The following MOCS1 variants were observed in gnomAD, a reference collection of about 807,000 sequenced individuals.
MOCS1 encodes molybdenum cofactor synthesis 1, also known as molybdenum cofactor biosynthesis protein 1.
A neutral mutation model predicts 57.6 loss-of-function variants in MOCS1; 39 were observed. The observed-to-expected ratio is 0.68, with a 90% confidence interval of 0.52 to 0.88. MOCS1 has a LOEUF of 0.88. Among genes scored for constraint, MOCS1 ranks in the 40% least tolerant of loss-of-function variants. The probability of loss-of-function intolerance (pLI) is 0.00; values close to 1 mark genes in which losing one functional copy is unlikely to be tolerated. For missense variants in MOCS1, 795 were observed against 831.1 expected, an observed-to-expected ratio of 0.96 and a Z score of 0.53; for synonymous variants, 334 against 335.7, an observed-to-expected ratio of 1.00 and a Z score of 0.05.
chr6:39,906,482 A>G lies in MOCS1; in HGVS notation c.1786T>C (p.Ser596Pro). The change falls in exon 11 of 11, where the codon TCT (serine) becomes CCT (proline). Residue 596 changes from serine (S) to proline (P), a missense_variant. Transcript: ENST00000340692. ...AGGGTGAGGGCGGCCACTGCAGCAG[A>G]GGTCAGGGCCTCCATCTCCACCCCG... ...PTGVEMEALT[S>P]AAVAALTLYD... 1 of 1,614,154 alleles carries G rather than the reference A, an allele frequency of 6.2e-7. No homozygotes were observed. The highest frequency in any genetic ancestry group is 8.5e-7 in the Non-Finnish European group (1 of 1,180,016).
At chr6:39,930,584 A>C (rs138312488) in intron 1 of MOCS1, among the ~76,000 whole-genome samples, 120 of 152,308 alleles carry the variant, frequency 7.9e-4, no homozygotes, top group African/African-American at 2.7e-3. Context: ...TTAACCTGGT[A>C]TAGTGGTTTG....
intron 5 of MOCS1, 82 bp from the exon 6 acceptor site, chr6:39,913,510 C>T: frequency 1.6e-6 from 2 of 1,219,046 alleles, no homozygotes; most frequent in Non-Finnish European, 2.4e-6. Context: ...CTGGCACTCA[C>T]TGAGGCCTTC....
intron 4 of MOCS1, among the ~76,000 whole-genome samples, chr6:39,914,092 TG>T (rs2149405044): frequency 6.6e-6 from 1 of 152,348 alleles, no homozygotes; most frequent in East Asian, 1.9e-4. Context: ...GATCTACAAA[TG>T]GGATACAATA....
At chr6:39,912,401 G>C (rs1184802615) in intron 7 of MOCS1, 27 bp from the exon 8 acceptor site, 22 of 1,492,416 alleles carry the variant, frequency 1.5e-5, no homozygotes, top group Non-Finnish European at 2.1e-5. Flanking sequence ...GGGAGCAAAA[G>C]GGCAGTGGAG....
chr6:39,925,704 A>G lies in MOCS1; in HGVS notation c.392T>C (p.Ile131Thr). ...KIRLTGGEPLIRPDVVDIVAQ... is the reference protein window; with the variant it reads ...KIRLTGGEPLTRPDVVDIVAQ... ...CACAATGTCCACCACGTCCGGCCGGATAAGCGGCTCTCCACCTGTGAGCCG... is the reference window on the plus strand; with the variant it reads ...CACAATGTCCACCACGTCCGGCCGGGTAAGCGGCTCTCCACCTGTGAGCCG... The change falls in exon 3 of 11, where the codon ATC (isoleucine) becomes ACC (threonine). Residue 131 changes from isoleucine (I) to threonine (T), a missense_variant. Transcript: ENST00000340692. The G allele has an allele frequency of 6.2e-7, 1 of 1,612,792 alleles. No homozygotes were observed. The highest frequency in any genetic ancestry group is 8.5e-7 in the Non-Finnish European group (1 of 1,179,974).
At position 39,921,804 on chromosome 6, in the gene MOCS1, G is replaced by A. The variant is rs546469075; in HGVS notation, c.418+3874C>T. On this transcript the variant is annotated intron_variant, in intron 3 of 10. Transcript: ENST00000340692. The stretch of plus-strand genomic sequence containing the variant: ...TTTTTCAACTTTTTTTTACGTTCAG[G>A]GGTACATGTGCAGGTTTGTTACATG... Among the ~76,000 whole-genome samples the A allele has an allele frequency of 5.9e-5, 9 of 152,270 alleles. No homozygotes were observed. The South Asian group carries it at 1.9e-3, about 32-fold the overall frequency.
chr6:39,929,788 A>T (rs1768548074), intron 1 of MOCS1, among the ~76,000 whole-genome samples: 1 of 151,932 alleles, frequency 6.6e-6, no homozygotes, highest in Non-Finnish European at 1.5e-5. Context: ...TAAAAAATAC[A>T]AAAGTTAGCT....
At position 39,913,805 on chromosome 6, in the gene MOCS1, T is replaced by C. The variant is rs1468443174; in HGVS notation, c.614A>G (p.Lys205Arg). 2 of 1,614,152 alleles carry C rather than the reference T, an allele frequency of 1.2e-6. No homozygotes were observed. Among genetic ancestry groups the C allele is most frequent in the Non-Finnish European group, 1.7e-6 (2 of 1,180,036 alleles). The change falls in exon 5 of 11, where the codon AAG (lysine) becomes AGG (arginine). Residue 205 changes from lysine (K) to arginine (R), a missense_variant. Coordinates refer to ENST00000340692, the MANE Select transcript of MOCS1 (RefSeq NM_001358530.2). The stretch of plus-strand genomic sequence containing the variant: ...AGGGTTGTAGCCCAGCTCGATGGCC[T>C]TGTGGATGCCCTCCATGACCTTGTG... ...GFHKVMEGIH[K>R]AIELGYNPVK...
chr6:39,921,843 C>A (rs1402921902), intron 3 of MOCS1, among the ~76,000 whole-genome samples: 1 of 152,136 alleles, frequency 6.6e-6, no homozygotes, highest in Non-Finnish European at 1.5e-5. Context: ...TAACTTGTGT[C>A]ATGGGGGTTT....
Position 39,925,786 on chromosome 6 carries a change from T to TGGTC in MOCS1, c.306_309dup (p.Thr104AspfsTer86), listed in dbSNP as rs1768254382. ...CGGGCGAGGGTCAGGATCTCCTCTG[T>TGGTC]GGTCAGCAGGTTGGCTTTGGGGGTC... is the stretch of plus-strand genomic sequence containing the variant. On this transcript the variant is annotated frameshift_variant, in exon 3 of 11. Coordinates refer to ENST00000340692, the MANE Select transcript of MOCS1 (RefSeq NM_001358530.2). LOFTEE classifies it high-confidence loss of function. 6.2e-7 allele frequency: 1 copy of TGGTC among 1,612,684 alleles called. No homozygotes were observed. The highest frequency in any genetic ancestry group is 1.7e-5 in the Admixed American group (1 of 59,998).
chr6:39,906,512 G>A lies in MOCS1; in HGVS notation c.1756C>T (p.Pro586Ser). The A allele has an allele frequency of 3.7e-6, 6 of 1,614,004 alleles. No homozygotes were observed. Among genetic ancestry groups the A allele is most frequent in the Non-Finnish European group, 5.1e-6 (6 of 1,180,044 alleles). The part of the protein sequence containing the change: ...KIQASCRARG[P>S]TGVEMEALTS... ...AGGGCCTCCATCTCCACCCCGGTGG[G>A]GCCCCGAGCCCGGCAAGATGCCTGG... The change falls in exon 11 of 11, where the codon CCC (proline) becomes TCC (serine). Residue 586 changes from proline (P) to serine (S), a missense_variant. Physicochemically the swap from Pro to Ser is moderately conservative, Grantham distance 74 (BLOSUM62 -1). Transcript: ENST00000340692.
chr6:39,925,961 G>A, intron 2 of MOCS1, 116 bp from the exon 3 acceptor site: 4 of 1,148,860 alleles, frequency 3.5e-6, no homozygotes, highest in Non-Finnish European at 4.9e-6. Context: ...CCATCTGGAT[G>A]TGAGCGGAGA....
intron 4 of MOCS1, 122 bp downstream of exon 4, chr6:39,915,946 G>T: frequency 8.7e-7 from 1 of 1,149,902 alleles, no homozygotes; most frequent in Non-Finnish European, 1.3e-6. Flanking sequence ...TAAGTGCTTT[G>T]ACTTACTGAT....
chr6:39,917,321 C>T (rs936975434), intron 3 of MOCS1, among the ~76,000 whole-genome samples: 2 of 152,092 alleles, frequency 1.3e-5, no homozygotes, highest in African/African-American at 4.8e-5. Context: ...CATCAGATCT[C>T]GTCAAAACTC....
At chr6:39,927,759 C>G in intron 1 of MOCS1, 2 of 1,487,804 alleles carry the variant, frequency 1.3e-6, no homozygotes, top group South Asian at 2.6e-5. Context: ...AATCTATTAG[C>G]CCTTATTCTT....
intron 3 of MOCS1, among the ~76,000 whole-genome samples, chr6:39,923,921 A>G (rs552697417): frequency 6.6e-6 from 1 of 152,280 alleles, no homozygotes; most frequent in East Asian, 1.9e-4. Context: ...GCACAGTAGG[A>G]GGCATGCAAG....
chr6:39,924,360 G>A (rs140989366), intron 3 of MOCS1, among the ~76,000 whole-genome samples: 66 of 152,280 alleles, frequency 4.3e-4, no homozygotes, highest in African/African-American at 1.1e-3. Flanking sequence ...CATCAACCAC[G>A]TGTCAGGCAC....
At chr6:39,922,074 C>G (rs1339506956) in intron 3 of MOCS1, among the ~76,000 whole-genome samples, 5 of 152,228 alleles carry the variant, frequency 3.3e-5, no homozygotes, top group African/African-American at 1.2e-4. Context: ...CCAACACTCT[C>G]ACAGTACTTG....
intron 2 of MOCS1, among the ~76,000 whole-genome samples, chr6:39,926,221 T>A (rs917173629): frequency 1.3e-5 from 2 of 152,130 alleles, no homozygotes; most frequent in African/African-American, 4.8e-5. Flanking sequence ...CCTCCTGCAT[T>A]TCACTGGCTA....
Sources: allele counts gnomAD v4.1 joint callset (sites outside exome capture counted in the v4.1 genomes callset), GRCh38; gene constraint gnomAD v4.1.1; transcripts MANE v1.5; gene names NCBI Gene and HGNC (gene_info 2026-07-23, HGNC 2026-07-21).